Variants in MARCHF5 observed in about 807,000 individuals in gnomAD.
The protein encoded by MARCHF5 is E3 ubiquitin-protein ligase MARCHF5.
MARCHF5 carries 5 observed loss-of-function variants against 36.5 expected under a neutral mutation model. The ratio of observed to expected loss-of-function variants is 0.14; its 90% CI spans 0.07 to 0.29. MARCHF5 has a LOEUF of 0.29. Ranked by LOEUF, MARCHF5 falls within the 10% of genes least tolerant of loss-of-function variation. The pLI is 1.00. For synonymous variants in MARCHF5, 103 were observed against 109.9 expected (o/e 0.94, Z 0.39); for missense variants, 179 against 336.3 (o/e 0.53, Z 3.66).
At chr10:92,309,966 T>A (rs1349741974) in intron 1 of MARCHF5, among the ~76,000 whole-genome samples, 3 of 152,236 alleles carry the variant, frequency 2.0e-5, no homozygotes, top group African/African-American at 7.2e-5. Context: ...TTAGATCTTA[T>A]GAAACCTGAC....
At chr10:92,345,218 G>C (rs1004006624) in intron 3 of MARCHF5, among the ~76,000 whole-genome samples, 4 of 151,680 alleles carry the variant, frequency 2.6e-5, no homozygotes, top group Admixed American at 1.3e-4. Context: ...TCATCCTCTT[G>C]TTAGGATTCT....
At chr10:92,294,143 T>A (rs1246079318) in intron 1 of MARCHF5, among the ~76,000 whole-genome samples, 1 of 152,188 alleles carries the variant, frequency 6.6e-6, no homozygotes, top group Non-Finnish European at 1.5e-5. Context: ...CCTACTGCCC[T>A]AAGTCCTAAG....
At chr10:92,291,586 GCGCC>G in intron 1 of MARCHF5, 57 bp downstream of exon 1, 1 of 1,477,612 alleles carries the variant, frequency 6.8e-7, no homozygotes, top group Non-Finnish European at 9.0e-7. Context: ...GGCCCTGCCC[GCGCC>G]CGCCCTCGAG....
intron 2 of MARCHF5, among the ~76,000 whole-genome samples, chr10:92,328,207 T>A (rs1843389556): frequency 6.6e-6 from 1 of 151,918 alleles, no homozygotes; most frequent in South Asian, 2.1e-4. Flanking sequence ...TTCACATGTC[T>A]TTATTCTGTT....
intron 5 of MARCHF5, 63 bp from the exon 6 acceptor site, chr10:92,351,028 A>AT: frequency 1.1e-6 from 1 of 884,800 alleles, no homozygotes; most frequent in Non-Finnish European, 1.8e-6. Flanking sequence ...AAATAAAATT[A>AT]TTTTTATTAC....
At chr10:92,306,170 G>T (rs1843071106) in intron 1 of MARCHF5, among the ~76,000 whole-genome samples, 1 of 152,112 alleles carries the variant, frequency 6.6e-6, no homozygotes, top group Admixed American at 6.6e-5. Flanking sequence ...ACTTCTTCTG[G>T]ATTCTTAAGG....
In MARCHF5 at chr10:92,351,758, G is replaced by T. The variant is rs1285464657; in HGVS notation, c.*551G>T. On this transcript the variant is annotated 3_prime_UTR_variant, in exon 6 of 6. Transcript: ENST00000358935. ...TTATCTGAACAAATGAGATTTTGTG[G>T]TGTTTTCTTTAACCCATGTGATGTC... is the stretch of plus-strand genomic sequence containing the variant. 6.6e-6 allele frequency: 1 copy of T among 152,548 alleles called. No homozygotes were observed. Among genetic ancestry groups the T allele is most frequent in the Non-Finnish European group, 1.5e-5 (1 of 68,018 alleles). The allele number at this position is 152,548 out of a possible 1,614,324, so 9.4% of individuals were successfully genotyped here.
At chr10:92,299,780 A>G (rs1415065799) in intron 1 of MARCHF5, among the ~76,000 whole-genome samples, 1 of 152,104 alleles carries the variant, frequency 6.6e-6, no homozygotes, top group Non-Finnish European at 1.5e-5. Context: ...TTGTATCATG[A>G]TGTCTTTCTT....
chr10:92,332,962 C>T (rs2488793), intron 2 of MARCHF5, among the ~76,000 whole-genome samples: 49,128 of 151,578 alleles, frequency 0.32, 9,759 homozygotes, highest in South Asian at 0.57. Context: ...GTCAGGAGTT[C>T]GAGATCAGCC....
rs899806044 is a variant in MARCHF5, at chr10:92,300,318, TA to T, written c.35+8800del. ...AACATGGAGAAACCCTGTGTCTACT[TA>T]AAAAAAAAAAGAAAGAAAGAAAAAA... On this transcript the variant is annotated intron_variant, in intron 1 of 5. Transcript: ENST00000358935. 2.7e-3 allele frequency among the ~76,000 whole-genome samples: 385 copies of T among 144,868 alleles called. 1 individual carries two copies. The highest frequency in any genetic ancestry group is 7.0e-3 in the Middle Eastern group (2 of 286).
At chr10:92,315,132 ATCT>A (rs1238164731) in intron 2 of MARCHF5, among the ~76,000 whole-genome samples, 2 of 152,164 alleles carry the variant, frequency 1.3e-5, no homozygotes, top group Non-Finnish European at 2.9e-5. Flanking sequence ...AAAAGAAAAT[ATCT>A]TCTTCTAAAA....
intron 1 of MARCHF5, among the ~76,000 whole-genome samples, chr10:92,309,303 T>C (rs1843118245): frequency 6.6e-6 from 1 of 152,208 alleles, no homozygotes; most frequent in African/African-American, 2.4e-5. Flanking sequence ...AGTATTCTCA[T>C]TAGATCAAAA....
intron 3 of MARCHF5, among the ~76,000 whole-genome samples, chr10:92,345,445 T>C (rs1397640822): frequency 2.0e-5 from 3 of 152,054 alleles, no homozygotes; most frequent in Non-Finnish European, 4.4e-5. Context: ...GCAGAGGTTG[T>C]AGTGAGCCAA....
intron 1 of MARCHF5, among the ~76,000 whole-genome samples, chr10:92,297,270 G>C (rs950597784): frequency 6.6e-6 from 1 of 150,594 alleles, no homozygotes; most frequent in Non-Finnish European, 1.5e-5. Flanking sequence ...AGGCTCAAGT[G>C]ATCCTCCCAC....
intron 3 of MARCHF5, among the ~76,000 whole-genome samples, chr10:92,348,592 G>A (rs1489760159): frequency 8.0e-6 from 1 of 124,312 alleles, no homozygotes; most frequent in Non-Finnish European, 1.8e-5. Context: ...TGCCAATTTT[G>A]TATTTCTCGC....
chr10:92,340,629 G>T, intron 2 of MARCHF5, 44 bp from the exon 3 acceptor site: 1 of 1,533,808 alleles, frequency 6.5e-7, no homozygotes, highest in Non-Finnish European at 8.8e-7. Flanking sequence ...CATTTTAAAA[G>T]TTCACCCTGT....
chr10:92,324,961 T>C (rs1843337472), intron 2 of MARCHF5, among the ~76,000 whole-genome samples: 1 of 152,200 alleles, frequency 6.6e-6, no homozygotes, highest in Non-Finnish European at 1.5e-5. Context: ...TCTGCTGCTG[T>C]TGGAGTAGTC....
chr10:92,347,523 T>TAGATAGATA lies in MARCHF5; in HGVS notation c.370-1826_370-1825insAGATAGATA, dbSNP rs58664499. ...ATAGATAGATAGATAGATAGATAGA[T>TAGATAGATA]GATAGATATATAGATAGATAGATAG... On this transcript the variant is annotated intron_variant, in intron 3 of 5. Coordinates refer to ENST00000358935, the MANE Select transcript of MARCHF5 (RefSeq NM_017824.5). Among the ~76,000 whole-genome samples, 303 of 86,890 alleles carry TAGATAGATA rather than the reference T, an allele frequency of 3.5e-3. 5 individuals are homozygous for TAGATAGATA. The highest frequency in any genetic ancestry group is 9.9e-3 in the East Asian group (31 of 3,122). The allele number at this position is 86,890 out of a possible 152,430, so 57.0% of individuals were successfully genotyped here.
At chr10:92,314,750 C>T (rs1043015483) in intron 2 of MARCHF5, among the ~76,000 whole-genome samples, 1 of 135,826 alleles carries the variant, frequency 7.4e-6, no homozygotes, top group Non-Finnish European at 1.5e-5. Context: ...TTCCCCCCGC[C>T]CCCCCCCGCC....
Sources: allele counts gnomAD v4.1 joint callset (sites outside exome capture counted in the v4.1 genomes callset), GRCh38; gene constraint gnomAD v4.1.1; transcripts MANE v1.5; gene names NCBI Gene and HGNC (gene_info 2026-07-23, HGNC 2026-07-21).